Variants in KCNK10 observed in about 807,000 individuals in gnomAD.
KCNK10 encodes the protein potassium channel subfamily K member 10.
A neutral mutation model predicts 47.7 loss-of-function variants in KCNK10; 25 were observed. The ratio of observed to expected loss-of-function variants is 0.52; its 90% CI spans 0.38 to 0.73. The LOEUF is 0.73. KCNK10 is among the 30% of genes least tolerant of loss of function. The probability of loss-of-function intolerance (pLI) is 0.00; values close to 1 mark genes in which losing one functional copy is unlikely to be tolerated. For synonymous variants in KCNK10, 303 were observed against 285.6 expected (o/e 1.06, Z -0.61); for missense variants, 563 against 714.5 (o/e 0.79, Z 2.42).
chr14:88,239,881 TAAAATAAAATAAAATA>T (rs1886402598), intron 3 of KCNK10, among the ~76,000 whole-genome samples: 1 of 133,582 alleles, frequency 7.5e-6, no homozygotes, highest in African/African-American at 2.8e-5. Context: ...TAAAATAAAA[TAAAATAAAATAAAATA>T]AAATAAATAA....
chr14:88,283,405 C>T (rs1479658524), intron 1 of KCNK10, among the ~76,000 whole-genome samples: 3 of 152,106 alleles, frequency 2.0e-5, no homozygotes, highest in Non-Finnish European at 4.4e-5. Context: ...TACAGATTTG[C>T]CGGTAGAAAA....
intron 1 of KCNK10, among the ~76,000 whole-genome samples, chr14:88,318,825 T>C (rs567601509): frequency 6.6e-6 from 1 of 152,344 alleles, no homozygotes; most frequent in South Asian, 2.1e-4. Flanking sequence ...TACCACTAAG[T>C]ATTGCTACAG....
At chr14:88,309,377 G>A (rs544592836) in intron 1 of KCNK10, among the ~76,000 whole-genome samples, 9 of 152,234 alleles carry the variant, frequency 5.9e-5, no homozygotes, top group East Asian at 3.9e-4. Context: ...CGAGGTAGGC[G>A]GATTGCTTGA....
At chr14:88,324,930 G>A (rs1375076260), upstream of KCNK10, among the ~76,000 whole-genome samples, 1 of 152,166 alleles carries the variant, frequency 6.6e-6, no homozygotes, top group Non-Finnish European at 1.5e-5. Context: ...CCCCAGGCTG[G>A]AGCCCTGAAT....
At chr14:88,236,525 G>T (rs1198631252) in intron 3 of KCNK10, among the ~76,000 whole-genome samples, 1 of 152,142 alleles carries the variant, frequency 6.6e-6, no homozygotes, top group African/African-American at 2.4e-5. Flanking sequence ...GACTAGAGAT[G>T]AACATTAATG....
chr14:88,204,947 T>TG (rs899152954), intron 4 of KCNK10, among the ~76,000 whole-genome samples: 5 of 152,212 alleles, frequency 3.3e-5, no homozygotes, highest in Admixed American at 6.5e-5. Context: ...GTACATCCTA[T>TG]GGGTTTGGAC....
At chr14:88,218,959 C>T (rs1159602412) in intron 4 of KCNK10, among the ~76,000 whole-genome samples, 4 of 152,168 alleles carry the variant, frequency 2.6e-5, no homozygotes, top group Non-Finnish European at 5.9e-5. Flanking sequence ...CTAAACTCCA[C>T]ATTGGTTTCA....
In KCNK10 at chr14:88,280,078, G is replaced by T. The variant is rs147930636; in HGVS notation, c.53-16527C>A. Reference sequence around the variant, plus strand: ...ATGTCTTTATCAGCAGCGTGAAAATGGACTAATACACTGGGTGATACCCAT... The same window carrying T: ...ATGTCTTTATCAGCAGCGTGAAAATTGACTAATACACTGGGTGATACCCAT... On this transcript the variant is annotated intron_variant, in intron 1 of 6. Transcript: ENST00000319231. 1.9e-3 allele frequency among the ~76,000 whole-genome samples: 282 copies of T among 152,210 alleles called. 2 individuals carry two copies. The highest frequency in any genetic ancestry group is 6.2e-3 in the African/African-American group (259 of 41,528).
chr14:88,254,939 G>C (rs1358453958), intron 2 of KCNK10, among the ~76,000 whole-genome samples: 1 of 152,180 alleles, frequency 6.6e-6, no homozygotes, highest in Non-Finnish European at 1.5e-5. Context: ...CAGGCACTCT[G>C]CTAGGTTCAC....
chr14:88,207,170 T>C lies in KCNK10; in HGVS notation c.682-14760A>G, dbSNP rs897057404. On this transcript the variant is annotated intron_variant, in intron 4 of 6. Coordinates refer to ENST00000319231, the MANE Select transcript of KCNK10 (RefSeq NM_138317.3). The stretch of plus-strand genomic sequence containing the variant: ...AGTTTCGATTTCAAGGTCACTCTCT[T>C]TTTTTTTTTTTTTTTTTTTTGAGAC... 5.4e-5 allele frequency among the ~76,000 whole-genome samples: 5 copies of C among 92,068 alleles called. No homozygotes were observed. In the South Asian group the frequency reaches 1.3e-3, roughly 25 times the overall value. The allele number at this position is 92,068 out of a possible 152,430, so 60.4% of individuals were successfully genotyped here. A position where few individuals can be genotyped will look rare whatever the true frequency, so the allele number is the denominator to read the frequency against.
chr14:88,260,152 A>G lies in KCNK10; in HGVS notation c.402+3050T>C, dbSNP rs1887070929. ...GAGATGGGGTTTCACCATGTTGGCC[A>G]GGTTGGTCTCGAACTCCTGATCTCA... On this transcript the variant is annotated intron_variant, in intron 2 of 6. Coordinates refer to ENST00000319231, the MANE Select transcript of KCNK10 (RefSeq NM_138317.3). The surrounding 1 kb of genome is among the most constrained non-coding windows in gnomAD (Gnocchi z 4.5). Among the ~76,000 whole-genome samples the G allele has an allele frequency of 6.6e-6, 1 of 152,196 alleles. No homozygotes were observed. Among genetic ancestry groups the G allele is most frequent in the Non-Finnish European group, 1.5e-5 (1 of 68,036 alleles).
intron 2 of KCNK10, among the ~76,000 whole-genome samples, chr14:88,255,892 G>A (rs1595108338): frequency 6.6e-6 from 1 of 152,138 alleles, no homozygotes; most frequent in East Asian, 1.9e-4. Context: ...TACCTACTTT[G>A]TAGGCTTCTT....
At chr14:88,199,712 T>C (rs1885038336) in intron 4 of KCNK10, among the ~76,000 whole-genome samples, 1 of 152,156 alleles carries the variant, frequency 6.6e-6, no homozygotes, top group Admixed American at 6.5e-5. Flanking sequence ...GAGAAGAAAG[T>C]TGTCATATGA....
intron 1 of KCNK10, among the ~76,000 whole-genome samples, chr14:88,307,840 C>G (rs1888234149): frequency 1.3e-5 from 2 of 152,142 alleles, no homozygotes; most frequent in African/African-American, 2.4e-5. Flanking sequence ...ATGGGTGTTA[C>G]CAGCAGCAGC....
intron 1 of KCNK10, among the ~76,000 whole-genome samples, chr14:88,290,986 C>T (rs1940567): frequency 0.27 from 41,161 of 152,148 alleles, 6,621 homozygotes; most frequent in Non-Finnish European, 0.36. Flanking sequence ...TGGGAAGAGG[C>T]CCACTAGGGC....
intron 1 of KCNK10, among the ~76,000 whole-genome samples, chr14:88,320,707 T>C (rs1189831700): frequency 1.3e-5 from 2 of 152,194 alleles, no homozygotes; most frequent in East Asian, 3.8e-4. Flanking sequence ...CGTCCGCTTC[T>C]CCATGCCCAC....
At chr14:88,273,919 T>C (rs1887466914) in intron 1 of KCNK10, among the ~76,000 whole-genome samples, 1 of 152,168 alleles carries the variant, frequency 6.6e-6, no homozygotes, top group South Asian at 2.1e-4. Context: ...GTTCTCAAAA[T>C]ATCCCCTTTC....
intron 1 of KCNK10, among the ~76,000 whole-genome samples, chr14:88,267,753 G>A (rs1887300592): frequency 6.6e-6 from 1 of 152,160 alleles, no homozygotes; most frequent in African/African-American, 2.4e-5. Context: ...CCCTAATACA[G>A]TTGCCTTATG....
At chr14:88,240,873 T>A in intron 2 of KCNK10, 53 bp from the exon 3 acceptor site, 3 of 1,189,366 alleles carry the variant, frequency 2.5e-6, no homozygotes, top group Non-Finnish European at 3.6e-6. Context: ...GTTTATTTTT[T>A]TTTTCTTCAA....
Sources: allele counts gnomAD v4.1 joint callset (sites outside exome capture counted in the v4.1 genomes callset), GRCh38; gene constraint gnomAD v4.1.1; non-coding constraint Gnocchi (gnomAD v3.1); transcripts MANE v1.5; gene names NCBI Gene and HGNC (gene_info 2026-07-23, HGNC 2026-07-21).